SDK2: variants seen among roughly 807,000 people sequenced by gnomAD.
SDK2 encodes the protein protein sidekick-2.
SDK2 carries 105 observed loss-of-function variants against 253.9 expected under a neutral mutation model. The observed-to-expected ratio is 0.41, with a 90% CI of 0.35 to 0.49. SDK2 has a LOEUF of 0.49. Among genes scored for constraint, SDK2 ranks in the 20% least tolerant of loss-of-function variants. The pLI, the probability that SDK2 is intolerant of heterozygous loss-of-function variation, is 0.06. For synonymous variants in SDK2, 1,249 were observed against 1,234.9 expected (o/e 1.01, Z -0.24); for missense variants, 2,608 against 3,003.0 (o/e 0.87, Z 3.07).
Position 73,421,403 on chromosome 17 carries a change from G to A in SDK2, c.2045+884C>T, listed in dbSNP as rs553836818. Among the ~76,000 whole-genome samples, 18 of 152,224 alleles carry A rather than the reference G, an allele frequency of 1.2e-4. No individual in the cohort carries two copies. The East Asian group carries it at 2.5e-3, about 21-fold the overall frequency. On this transcript the variant is annotated intron_variant, in intron 15 of 44. Transcript: ENST00000392650. ...CAAAGAGCCAAGTGCAAGGCTTTGC[G>A]CACGTGATTTGTATCACGGTTGTTC...
chr17:73,356,800 A>G (rs1021126206), intron 40 of SDK2, among the ~76,000 whole-genome samples: 1 of 152,042 alleles, frequency 6.6e-6, no homozygotes, highest in Non-Finnish European at 1.5e-5. Flanking sequence ...CCTTCCTTTT[A>G]TGCTCAGGTC....
At chr17:73,385,728 G>A (rs920490686) in intron 32 of SDK2, 119 bp downstream of exon 32, 29 of 883,318 alleles carry the variant, frequency 3.3e-5, no homozygotes, top group East Asian at 5.3e-5. Flanking sequence ...CTTCCCAGGC[G>A]CTCTGGGGGC....
chr17:73,635,148 G>A (rs191270603), intron 1 of SDK2, among the ~76,000 whole-genome samples: 12 of 152,094 alleles, frequency 7.9e-5, no homozygotes, highest in African/African-American at 2.2e-4. Flanking sequence ...ACCATGCCCA[G>A]CTCATTTTTG....
At chr17:73,567,763 G>C (rs1046584210) in intron 1 of SDK2, among the ~76,000 whole-genome samples, 1 of 152,188 alleles carries the variant, frequency 6.6e-6, no homozygotes, top group Non-Finnish European at 1.5e-5. Flanking sequence ...TTCGGACTTG[G>C]GTAGGGTCTG....
chr17:73,399,439 G>A, intron 21 of SDK2, 150 bp from the exon 22 acceptor site: 1 of 843,822 alleles, frequency 1.2e-6, no homozygotes, highest in Non-Finnish European at 1.9e-6. Flanking sequence ...TCCACCCACA[G>A]TCTTTGTTCC....
chr17:73,450,490 C>T (rs1427627840), intron 4 of SDK2, among the ~76,000 whole-genome samples: 1 of 152,172 alleles, frequency 6.6e-6, no homozygotes, highest in Non-Finnish European at 1.5e-5. Flanking sequence ...GCTCCCCCAG[C>T]CACGCCACAT....
intron 36 of SDK2, among the ~76,000 whole-genome samples, chr17:73,369,632 A>G (rs1427713359): frequency 6.6e-6 from 1 of 152,188 alleles, no homozygotes; most frequent in East Asian, 1.9e-4. Context: ...TAGGCCAGGA[A>G]CACAACAGAT....
intron 1 of SDK2, among the ~76,000 whole-genome samples, chr17:73,513,143 A>G (rs1285112994): frequency 1.8e-5 from 1 of 55,086 alleles, no homozygotes; most frequent in Admixed American, 2.1e-4. Flanking sequence ...TTCTGCCTGG[A>G]AAAAAAAAAA....
intron 2 of SDK2, among the ~76,000 whole-genome samples, chr17:73,486,221 G>A (rs2063768505): frequency 6.6e-6 from 1 of 152,160 alleles, no homozygotes; most frequent in Non-Finnish European, 1.5e-5. Flanking sequence ...CGGCAAGAGA[G>A]GGAATGTGGG....
chr17:73,503,979 G>A (rs1012970705), intron 2 of SDK2, among the ~76,000 whole-genome samples: 3 of 152,224 alleles, frequency 2.0e-5, no homozygotes, highest in Non-Finnish European at 4.4e-5. Context: ...ACAGCTGAGC[G>A]ACTTGGAGGA....
chr17:73,424,995 G>A lies in SDK2; in HGVS notation c.1584-903C>T, dbSNP rs2063268375. On this transcript the variant is annotated intron_variant, in intron 12 of 44. Coordinates refer to ENST00000392650, the MANE Select transcript of SDK2 (RefSeq NM_001144952.2). ...AGCACTTTGGGAGGCCGAGGTGGGTGTATCACCTGAGGTCAGGAGTTTGAG... is the reference window on the plus strand; with the variant it reads ...AGCACTTTGGGAGGCCGAGGTGGGTATATCACCTGAGGTCAGGAGTTTGAG... Among the ~76,000 whole-genome samples, 4 of 152,214 alleles carry A rather than the reference G, an allele frequency of 2.6e-5. No individual in the cohort carries two copies. In the South Asian group the frequency reaches 8.3e-4, roughly 32 times the overall value.
intron 1 of SDK2, among the ~76,000 whole-genome samples, chr17:73,619,669 C>T (rs1170133290): frequency 1.3e-5 from 2 of 151,874 alleles, no homozygotes; most frequent in Non-Finnish European, 2.9e-5. Context: ...TCTTAAAATC[C>T]TTGGATTTTG....
rs186045099 is a variant in SDK2 at position 73,353,004 on chromosome 17, T to C, written c.5594-367A>G. Among the ~76,000 whole-genome samples, 696 of 152,242 alleles carry C rather than the reference T, an allele frequency of 4.6e-3. 9 individuals carry two copies. Among genetic ancestry groups the C allele is most frequent in the African/African-American group, 0.016 (654 of 41,558 alleles). On this transcript the variant is annotated intron_variant, in intron 40 of 44. Transcript: ENST00000392650. ...CTACTGGGGAAGCTGAGGCAGGGAA[T>C]TGCTTGAAGCTGGGAGATGGAAGTT... is the stretch of plus-strand genomic sequence containing the variant.
At chr17:73,640,226 T>C (rs769585602) in intron 1 of SDK2, among the ~76,000 whole-genome samples, 1 of 149,442 alleles carries the variant, frequency 6.7e-6, no homozygotes, top group Non-Finnish European at 1.5e-5. Context: ...TCGATAAATA[T>C]TTGCCGAACA....
intron 15 of SDK2, 26 bp downstream of exon 15, chr17:73,422,261 C>A (rs946584357): frequency 1.2e-6 from 2 of 1,612,460 alleles, no homozygotes; most frequent in Non-Finnish European, 8.5e-7. Flanking sequence ...CCTGGCGACG[C>A]CCCTGTAGAG....
intron 38 of SDK2, among the ~76,000 whole-genome samples, chr17:73,362,520 T>C (rs2062650132): frequency 6.6e-6 from 1 of 151,930 alleles, no homozygotes; most frequent in Non-Finnish European, 1.5e-5. Context: ...GCCTTCCAAG[T>C]AGCTAAGACT....
rs374465306 is a variant in SDK2 at position 73,419,287 on chromosome 17, G to A, written c.2065C>T (p.Pro689Ser). ...ACGTTCTGTGGAGGGGCCGTGGGGG[G>A]CTCCTCGGGGAGGGAGACCCTGGAT... ...DTERVSLPEE[P>S]PTAPPQNVIA... is the part of the protein sequence containing the mutation. The change falls in exon 16 of 45, where the codon CCC becomes TCC. Residue 689 changes from proline to serine, a missense_variant. Physicochemically the swap from Pro to Ser is moderately conservative, Grantham distance 74. This residue lies in a region of SDK2 where 1,505 missense variants were observed against 1,859.1 expected (regional missense o/e 0.81). Coordinates refer to ENST00000392650, the MANE Select transcript of SDK2 (RefSeq NM_001144952.2). 9.9e-6 allele frequency: 16 copies of A among 1,612,422 alleles called. No homozygotes were observed. Among genetic ancestry groups the A allele is most frequent in the Non-Finnish European group, 1.3e-5 (15 of 1,179,656 alleles).
rs1227912797 is a variant in SDK2, at chr17:73,361,321, A to G, written c.5467+363T>C. Reference sequence around the variant, plus strand: ...AGATGGCTCTGGCTGGGCGAAAGGCAGGGGCACCTGCCAGGCTGCATCCTT... The same window carrying G: ...AGATGGCTCTGGCTGGGCGAAAGGCGGGGGCACCTGCCAGGCTGCATCCTT... On this transcript the variant is annotated intron_variant, in intron 39 of 44. Coordinates refer to ENST00000392650, the MANE Select transcript of SDK2 (RefSeq NM_001144952.2). This position sits in a 1 kb window ranked among gnomAD's most constrained non-coding sequence, Gnocchi z 4.1. Among the ~76,000 whole-genome samples the G allele has an allele frequency of 3.3e-5, 5 of 152,176 alleles. No homozygotes were observed. Among genetic ancestry groups the G allele is most frequent in the Admixed American group, 6.5e-5 (1 of 15,288 alleles).
rs576116509 is a variant in SDK2, at chr17:73,527,768, C to T, written c.65-20171G>A. Among the ~76,000 whole-genome samples, 6 of 152,320 alleles carry T rather than the reference C, an allele frequency of 3.9e-5. No individual in the cohort carries two copies. In the East Asian group the frequency reaches 5.8e-4, roughly 15 times the overall value. ...CTGCTGTAAGACTCCAGGGCAGAGA[C>T]GATCTCCCAGGGAGAAATACCTCCT... On this transcript the variant is annotated intron_variant, in intron 1 of 44. Coordinates refer to ENST00000392650, the MANE Select transcript of SDK2 (RefSeq NM_001144952.2).
Sources: gnomAD v4.1 joint callset for allele counts (sites outside exome capture counted in the v4.1 genomes callset) on GRCh38, gnomAD v4.1.1 for gene constraint, gnomAD v4.1.1 regional missense constraint, Gnocchi (gnomAD v3.1) non-coding constraint, MANE v1.5 for transcripts, NCBI Gene and HGNC (gene_info 2026-07-23, HGNC 2026-07-21) for gene names.